NUMB: variants seen among roughly 807,000 people sequenced by gnomAD.
The protein encoded by NUMB is NUMB endocytic adaptor protein.
A neutral mutation model predicts 59.7 loss-of-function variants in NUMB; 29 were observed. The ratio of observed to expected loss-of-function variants is 0.49; its 90% CI spans 0.36 to 0.66. The LOEUF (loss-of-function observed/expected upper bound fraction) is 0.66. Ranked by LOEUF, NUMB falls within the 30% of genes least tolerant of loss-of-function variation. NUMB has a pLI of 0.00. For missense variants in NUMB, 723 were observed against 822.0 expected, an observed-to-expected ratio of 0.88 and a Z score of 1.47; for synonymous variants, 288 against 288.2, an observed-to-expected ratio of 1.00 and a Z score of 0.01.
At chr14:73,277,397 C>G in intron 12 of NUMB, 104 bp from the exon 13 acceptor site, 1 of 886,536 alleles carries the variant, frequency 1.1e-6, no homozygotes, top group Non-Finnish European at 1.7e-6. Flanking sequence ...ACATGTCCCC[C>G]CCTAATGGGA....
intron 4 of NUMB, among the ~76,000 whole-genome samples, chr14:73,334,906 G>A (rs570770705): frequency 7.0e-4 from 99 of 140,698 alleles, no homozygotes; most frequent in Non-Finnish European, 1.0e-3. Flanking sequence ...CTGAAATTGC[G>A]CCACTGCACT....
chr14:73,373,890 T>C (rs763434992), intron 2 of NUMB, among the ~76,000 whole-genome samples: 3 of 151,676 alleles, frequency 2.0e-5, no homozygotes, highest in African/African-American at 2.4e-5. Context: ...TTTTTTGAAA[T>C]GGAATTTTGC....
intron 4 of NUMB, among the ~76,000 whole-genome samples, chr14:73,348,918 GTGAA>G (rs1263152303): frequency 3.3e-5 from 5 of 152,150 alleles, no homozygotes; most frequent in Admixed American, 1.3e-4. Context: ...CTCAGAATCT[GTGAA>G]TGAAGTGTTA....
chr14:73,342,329 T>C (rs1864773210), intron 4 of NUMB, among the ~76,000 whole-genome samples: 1 of 152,250 alleles, frequency 6.6e-6, no homozygotes, highest in South Asian at 2.1e-4. Context: ...ATTTCATTGG[T>C]ACTACACATG....
chr14:73,387,252 C>CCAT (rs1257165344), intron 2 of NUMB, among the ~76,000 whole-genome samples: 1 of 151,982 alleles, frequency 6.6e-6, no homozygotes, highest in African/African-American at 2.4e-5. Flanking sequence ...ATTGTAGTTC[C>CCAT]CATAATCCCC....
At chr14:73,395,092 T>TGTGTGTGTGTG (rs1896064910) in intron 2 of NUMB, among the ~76,000 whole-genome samples, 6 of 141,652 alleles carry the variant, frequency 4.2e-5, no homozygotes, top group East Asian at 2.0e-4. Flanking sequence ...TGTGTGTGTG[T>TGTGTGTGTGTG]TACATGTGGC....
chr14:73,436,108 G>A (rs1418991863), intron 1 of NUMB, among the ~76,000 whole-genome samples: 1 of 151,876 alleles, frequency 6.6e-6, no homozygotes, highest in African/African-American at 2.4e-5. Context: ...GAAATTATCT[G>A]TTGTCTACAA....
At chr14:73,369,045 T>A (rs1894528137) in intron 2 of NUMB, among the ~76,000 whole-genome samples, 1 of 10,060 alleles carries the variant, frequency 9.9e-5, no homozygotes, top group African/African-American at 2.0e-3. Flanking sequence ...GAACATTTTC[T>A]TTTTTTTTTT....
rs374325255 is a variant in NUMB, at chr14:73,452,702, T to C, written c.-233+5791A>G. On this transcript the variant is annotated intron_variant, in intron 1 of 12. Transcript: ENST00000555238. Reference sequence around the variant, plus strand: ...CACTGGAGAGGACAAGTGGGAAAGGTTGGTCTAGTTAAGGTTGCTGGGGAC... The same window carrying C: ...CACTGGAGAGGACAAGTGGGAAAGGCTGGTCTAGTTAAGGTTGCTGGGGAC... Among the ~76,000 whole-genome samples the C allele has an allele frequency of 1.2e-4, 18 of 152,216 alleles. No homozygotes were observed. The South Asian group carries it at 1.2e-3, about 11-fold the overall frequency.
At chr14:73,327,919 C>A (rs186586086) in intron 4 of NUMB, among the ~76,000 whole-genome samples, 1 of 152,152 alleles carries the variant, frequency 6.6e-6, no homozygotes, top group East Asian at 1.9e-4. Context: ...CCCACCACAC[C>A]CAGTCCCCAG....
intron 12 of NUMB, among the ~76,000 whole-genome samples, chr14:73,278,178 G>A (rs1314140138): frequency 6.6e-6 from 1 of 152,092 alleles, no homozygotes; most frequent in Admixed American, 6.5e-5. Flanking sequence ...CCTCTGCCTG[G>A]CTTCCAGAAA....
intron 1 of NUMB, among the ~76,000 whole-genome samples, chr14:73,427,133 T>C (rs1301984949): frequency 6.6e-6 from 1 of 152,212 alleles, no homozygotes; most frequent in Non-Finnish European, 1.5e-5. Context: ...TGCCTGGAGC[T>C]ATTGCTTACA....
chr14:73,375,688 C>T (rs1359867224), intron 2 of NUMB, among the ~76,000 whole-genome samples: 1 of 152,038 alleles, frequency 6.6e-6, no homozygotes, highest in East Asian at 1.9e-4. Flanking sequence ...GAAAACAGAA[C>T]ATATAAAAAG....
chr14:73,278,911 A>AG lies in NUMB; in HGVS notation c.1240+369dup. Among the ~76,000 whole-genome samples the AG allele has an allele frequency of 1.3e-5, 2 of 152,116 alleles. 1 individual carries two copies. Among genetic ancestry groups the AG allele is most frequent in the South Asian group, 4.2e-4 (2 of 4,804 alleles). The stretch of plus-strand genomic sequence containing the variant: ...CCTGGCTAATTTTTGTATTTTTAGT[A>AG]GAGATGGTTTCACCATGTTGGCCAG... On this transcript the variant is annotated intron_variant, in intron 12 of 12. Transcript: ENST00000555238.
chr14:73,384,455 TAAAAG>T (rs1295368582), intron 2 of NUMB, among the ~76,000 whole-genome samples: 2 of 151,948 alleles, frequency 1.3e-5, no homozygotes, highest in Non-Finnish European at 1.5e-5. Flanking sequence ...GACTTACACT[TAAAAG>T]AAAAGTGCAG....
chr14:73,440,210 G>C (rs1012808979), intron 1 of NUMB, among the ~76,000 whole-genome samples: 2 of 33,796 alleles, frequency 5.9e-5, no homozygotes, highest in African/African-American at 3.0e-4. Context: ...TATATATATG[G>C]ATATCCATAT....
At chr14:73,320,868 T>TA (rs759154583) in intron 5 of NUMB, among the ~76,000 whole-genome samples, 266 of 143,496 alleles carry the variant, frequency 1.9e-3, no homozygotes, top group Middle Eastern at 3.6e-3. Context: ...CTTCTTGGTT[T>TA]AAAAAAAAAA....
intron 1 of NUMB, among the ~76,000 whole-genome samples, chr14:73,448,839 T>C (rs890565864): frequency 1.3e-5 from 2 of 152,118 alleles, no homozygotes; most frequent in African/African-American, 4.8e-5. Context: ...TACAGTCACA[T>C]CTTGGTATCT....
intron 3 of NUMB, among the ~76,000 whole-genome samples, chr14:73,359,012 A>G (rs1893962784): frequency 6.6e-6 from 1 of 152,206 alleles, no homozygotes; most frequent in Non-Finnish European, 1.5e-5. Context: ...CTCTGTCTAA[A>G]TAGATCTAGT....
Sources: allele counts gnomAD v4.1 joint callset (sites outside exome capture counted in the v4.1 genomes callset), GRCh38; gene constraint gnomAD v4.1.1; transcripts MANE v1.5; gene names NCBI Gene and HGNC (gene_info 2026-07-23, HGNC 2026-07-21).